Variants in MYRFL observed in about 807,000 individuals in gnomAD.
MYRFL encodes myelin regulatory factor like.
In MYRFL, 88 loss-of-function variants were observed where a neutral mutation model predicts 109.4. The ratio of observed to expected loss-of-function variants is 0.80; its 90% CI spans 0.68 to 0.96. The LOEUF is 0.96. Among genes scored for constraint, MYRFL ranks in the 40% least tolerant of loss-of-function variants. The pLI, the probability that MYRFL is intolerant of heterozygous loss-of-function variation, is 0.00. For missense variants in MYRFL, 957 were observed against 954.9 expected (o/e 1.00, Z -0.03); for synonymous variants, 324 against 320.9 (o/e 1.01, Z -0.10).
rs141184929 is a variant in MYRFL at position 69,883,076 on chromosome 12, G to A, written c.556+2784G>A. Reference sequence around the variant, plus strand: ...GTTTTCTCCAAAAGGTCTGGACTTAGGCAGTTTGCTGCTTTTACATTCTCA... The same window carrying A: ...GTTTTCTCCAAAAGGTCTGGACTTAAGCAGTTTGCTGCTTTTACATTCTCA... On this transcript the variant is annotated intron_variant, in intron 5 of 24. Transcript: ENST00000552032. Among the ~76,000 whole-genome samples the A allele has an allele frequency of 3.9e-4, 59 of 152,312 alleles. No individual in the cohort carries two copies. In the East Asian group the frequency reaches 0.011, roughly 28 times the overall value.
intron 2 of MYRFL, among the ~76,000 whole-genome samples, chr12:69,868,509 G>A (rs1044020064): frequency 2.6e-5 from 4 of 152,150 alleles, no homozygotes; most frequent in African/African-American, 7.2e-5. Context: ...CAAAGGGTTA[G>A]CATGGTGCCT....
chr12:69,863,121 G>A (rs1884795636), intron 2 of MYRFL, among the ~76,000 whole-genome samples: 2 of 151,928 alleles, frequency 1.3e-5, no homozygotes, highest in African/African-American at 4.8e-5. Flanking sequence ...TGGTGGATAA[G>A]CTTTTTGATG....
chr12:69,840,810 A>G (rs1254115754), intron 1 of MYRFL, among the ~76,000 whole-genome samples: 1 of 152,206 alleles, frequency 6.6e-6, no homozygotes, highest in Non-Finnish European at 1.5e-5. Flanking sequence ...CAAGTTTTTA[A>G]TAATCCTTGC....
At chr12:69,875,564 A>T (rs1312385971) in intron 2 of MYRFL, among the ~76,000 whole-genome samples, 1 of 152,086 alleles carries the variant, frequency 6.6e-6, no homozygotes, top group Non-Finnish European at 1.5e-5. Context: ...CTGCCGGTGG[A>T]CTGCTACGGG....
At chr12:69,837,903 G>A (rs1822753826) in intron 1 of MYRFL, among the ~76,000 whole-genome samples, 1 of 152,168 alleles carries the variant, frequency 6.6e-6, no homozygotes, top group Non-Finnish European at 1.5e-5. Flanking sequence ...AGGGAACTAT[G>A]CCTTCTTCAT....
intron 7 of MYRFL, among the ~76,000 whole-genome samples, chr12:69,891,637 T>TTTCTTTCTTTCTTTC (rs1566002318): frequency 0.015 from 791 of 53,828 alleles, 42 homozygotes; most frequent in African/African-American, 0.023. Context: ...CTTCCTTTCT[T>TTTCTTTCTTTCTTTC]TTTCTTTCTT....
intron 7 of MYRFL, among the ~76,000 whole-genome samples, chr12:69,891,637 T>TTCTCC: frequency 1.9e-5 from 1 of 53,788 alleles, no homozygotes; most frequent in Non-Finnish European, 4.1e-5. Flanking sequence ...CTTCCTTTCT[T>TTCTCC]TTTCTTTCTT....
At chr12:69,829,157 A>C (rs959186660) in intron 1 of MYRFL, among the ~76,000 whole-genome samples, 6 of 152,114 alleles carry the variant, frequency 3.9e-5, no homozygotes, top group African/African-American at 1.4e-4. Flanking sequence ...CTGTGGAAGG[A>C]CAGTAACCAC....
intron 21 of MYRFL, among the ~76,000 whole-genome samples, chr12:69,954,712 G>A (rs1956056859): frequency 1.3e-5 from 2 of 152,172 alleles, no homozygotes. Flanking sequence ...GTAATAAGGA[G>A]AACTTGTTTT....
intron 22 of MYRFL, among the ~76,000 whole-genome samples, chr12:69,955,779 G>A (rs1029415439): frequency 6.0e-5 from 9 of 150,922 alleles, no homozygotes; most frequent in Admixed American, 3.3e-4. Context: ...CATGCCCCCC[G>A]ATGGGAAGAT....
At chr12:69,860,411 A>G (rs1184035185) in intron 2 of MYRFL, among the ~76,000 whole-genome samples, 1 of 151,774 alleles carries the variant, frequency 6.6e-6, no homozygotes, top group African/African-American at 2.4e-5. Context: ...CTCTCTTTTG[A>G]TTAGTGTTTT....
rs1887094580 is a variant in MYRFL, at chr12:69,894,306, A to T, written c.980+466A>T. Among the ~76,000 whole-genome samples, 4 of 152,156 alleles carry T rather than the reference A, an allele frequency of 2.6e-5. No individual in the cohort carries two copies. In the South Asian group the frequency reaches 8.3e-4, roughly 31 times the overall value. On this transcript the variant is annotated intron_variant, in intron 8 of 24. Coordinates refer to ENST00000552032, the MANE Select transcript of MYRFL (RefSeq NM_182530.3). ...AGCCACAGTGCCCTGCCATTAATGT[A>T]GTATTAATGTTAATATTATGAATAT... is the stretch of plus-strand genomic sequence containing the variant.
chr12:69,941,898 T>C (rs1177908336), intron 19 of MYRFL, among the ~76,000 whole-genome samples: 1 of 149,520 alleles, frequency 6.7e-6, no homozygotes, highest in Non-Finnish European at 1.5e-5. Flanking sequence ...CAGAGAATAC[T>C]ACAAACACCT....
intron 1 of MYRFL, among the ~76,000 whole-genome samples, chr12:69,851,920 C>T (rs1171870844): frequency 6.6e-6 from 1 of 152,158 alleles, no homozygotes; most frequent in Non-Finnish European, 1.5e-5. Context: ...CCTTGGCCTC[C>T]CAAAATGCTG....
At chr12:69,888,073 GT>G (rs1886566208) in intron 6 of MYRFL, among the ~76,000 whole-genome samples, 1 of 152,158 alleles carries the variant, frequency 6.6e-6, no homozygotes, top group South Asian at 2.1e-4. Flanking sequence ...AGTTGATCAA[GT>G]TTTCAAGGTA....
intron 11 of MYRFL, among the ~76,000 whole-genome samples, chr12:69,905,993 A>G (rs781185175): frequency 3.3e-5 from 5 of 152,216 alleles, no homozygotes; most frequent in Non-Finnish European, 5.9e-5. Flanking sequence ...ATTTGATGGC[A>G]TGCATAGGAC....
At chr12:69,869,062 G>A (rs547151280) in intron 2 of MYRFL, among the ~76,000 whole-genome samples, 19 of 152,254 alleles carry the variant, frequency 1.2e-4, no homozygotes, top group African/African-American at 4.3e-4. Flanking sequence ...AAGTTCATGC[G>A]GAAAGATAAA....
chr12:69,882,914 AG>A (rs1311977704), intron 5 of MYRFL, among the ~76,000 whole-genome samples: 1 of 152,222 alleles, frequency 6.6e-6, no homozygotes, highest in African/African-American at 2.4e-5. Context: ...TCATCTCTCC[AG>A]GAATCTGGGA....
At chr12:69,826,074 CAAAT>C (rs764980024) in intron 1 of MYRFL, among the ~76,000 whole-genome samples, 1 of 151,920 alleles carries the variant, frequency 6.6e-6, no homozygotes, top group East Asian at 1.9e-4. Context: ...AAGTGCCTGA[CAAAT>C]AATATATATT....
Sources: gnomAD v4.1 joint callset for allele counts (sites outside exome capture counted in the v4.1 genomes callset) on GRCh38, gnomAD v4.1.1 for gene constraint, MANE v1.5 for transcripts, NCBI Gene and HGNC (gene_info 2026-07-23, HGNC 2026-07-21) for gene names.